TAFA2: variants seen among roughly 807,000 people sequenced by gnomAD.
TAFA2 encodes the protein chemokine-like protein TAFA-2.
TAFA2 carries 7 observed loss-of-function variants against 18.8 expected under a neutral mutation model. The observed-to-expected ratio is 0.37, with a 90% CI of 0.21 to 0.70. TAFA2 has a LOEUF of 0.70. Among genes scored for constraint, TAFA2 ranks in the 30% least tolerant of loss-of-function variants. TAFA2 has a pLI of 0.53. For synonymous variants in TAFA2, 60 were observed against 54.2 expected (o/e 1.11, Z -0.47); for missense variants, 122 against 158.1 (o/e 0.77, Z 1.23).
chr12:61,760,340 T>C (rs1329769935), intron 2 of TAFA2, among the ~76,000 whole-genome samples: 3 of 102,660 alleles, frequency 2.9e-5, no homozygotes, highest in South Asian at 6.8e-4. Flanking sequence ...TTTGAAGGCA[T>C]TGGCATTGGT....
At chr12:62,175,424 A>G (rs1250661584) in intron 1 of TAFA2, among the ~76,000 whole-genome samples, 1 of 152,238 alleles carries the variant, frequency 6.6e-6, no homozygotes, top group Non-Finnish European at 1.5e-5. Flanking sequence ...AGACTATAAA[A>G]AATGTAAATA....
intron 2 of TAFA2, among the ~76,000 whole-genome samples, chr12:61,757,113 G>T (rs1869309592): frequency 6.6e-6 from 1 of 152,078 alleles, no homozygotes; most frequent in Admixed American, 6.6e-5. Flanking sequence ...TTTTACTCAT[G>T]CTGCTCTTTA....
chr12:61,814,983 C>G (rs796994961), intron 2 of TAFA2, among the ~76,000 whole-genome samples: 2 of 151,662 alleles, frequency 1.3e-5, no homozygotes, highest in South Asian at 4.1e-4. Context: ...TTTTGAATCT[C>G]TGACCTTCAG....
chr12:62,110,835 T>G (rs1211989740), intron 1 of TAFA2, among the ~76,000 whole-genome samples: 2 of 152,102 alleles, frequency 1.3e-5, no homozygotes, highest in Non-Finnish European at 2.9e-5. Flanking sequence ...TCAGCAGTGA[T>G]ATCCCCTTTA....
rs567668400 is a variant in TAFA2 at position 61,826,816 on chromosome 12, T to C, written c.106+40504A>G. 4.6e-5 allele frequency among the ~76,000 whole-genome samples: 7 copies of C among 152,130 alleles called. No individual in the cohort carries two copies. In the South Asian group the frequency reaches 6.2e-4, roughly 13 times the overall value. On this transcript the variant is annotated intron_variant, in intron 2 of 4. Coordinates refer to ENST00000416284, the MANE Select transcript of TAFA2 (RefSeq NM_178539.5). ...TAGAGCTACTATTAACATTTTGTAC[T>C]TTTTTCTTGGGTTTTATGATATATA...
intron 1 of TAFA2, among the ~76,000 whole-genome samples, chr12:62,123,361 A>T (rs889762805): frequency 1.3e-5 from 2 of 152,080 alleles, no homozygotes; most frequent in African/African-American, 4.8e-5. Context: ...GTGCACACAC[A>T]ATGTGTGGGC....
At chr12:62,037,624 A>G (rs765151890) in intron 1 of TAFA2, among the ~76,000 whole-genome samples, 1 of 152,208 alleles carries the variant, frequency 6.6e-6, no homozygotes, top group Non-Finnish European at 1.5e-5. Context: ...TATGGAATAA[A>G]ACTCATCGGA....
chr12:61,770,093 A>C (rs1256157574), intron 2 of TAFA2, among the ~76,000 whole-genome samples: 1 of 152,146 alleles, frequency 6.6e-6, no homozygotes, highest in Non-Finnish European at 1.5e-5. Context: ...GAAATGCAAA[A>C]TACACTGGAA....
intron 1 of TAFA2, among the ~76,000 whole-genome samples, chr12:62,115,306 C>G (rs1869916746): frequency 6.6e-6 from 1 of 152,112 alleles, no homozygotes; most frequent in Non-Finnish European, 1.5e-5. Context: ...CAGATCAACT[C>G]CATGCTGCAG....
At chr12:62,247,933 T>C (rs2062894748) in intron 1 of TAFA2, among the ~76,000 whole-genome samples, 1 of 152,234 alleles carries the variant, frequency 6.6e-6, no homozygotes, top group African/African-American at 2.4e-5. Flanking sequence ...TTTGAGTTTT[T>C]GAGTTTTTGT....
At chr12:61,761,822 C>T (rs1869560640) in intron 2 of TAFA2, among the ~76,000 whole-genome samples, 1 of 151,970 alleles carries the variant, frequency 6.6e-6, no homozygotes, top group South Asian at 2.1e-4. Flanking sequence ...ATCTGTGTCC[C>T]CACTCAAATC....
At chr12:61,759,997 T>A (rs1869458903) in intron 2 of TAFA2, among the ~76,000 whole-genome samples, 1 of 150,168 alleles carries the variant, frequency 6.7e-6, no homozygotes, top group East Asian at 2.0e-4. Context: ...TGATGCTAGA[T>A]GTTAGGAGAT....
intron 1 of TAFA2, among the ~76,000 whole-genome samples, chr12:62,243,096 T>C (rs2062870293): frequency 6.6e-6 from 1 of 152,216 alleles, no homozygotes; most frequent in African/African-American, 2.4e-5. Flanking sequence ...TTTTTAAATA[T>C]TAAGCTGTTT....
At chr12:61,743,819 G>T (rs1262281968) in intron 4 of TAFA2, among the ~76,000 whole-genome samples, 3 of 152,092 alleles carry the variant, frequency 2.0e-5, no homozygotes. Context: ...CATAAAACGT[G>T]TGATGGACAC....
chr12:62,232,562 G>A (rs1455641304), intron 1 of TAFA2, among the ~76,000 whole-genome samples: 1 of 152,106 alleles, frequency 6.6e-6, no homozygotes, highest in Non-Finnish European at 1.5e-5. Context: ...CACCCAGGCT[G>A]GAGTGCAATG....
At chr12:62,141,879 T>C (rs2062242103) in intron 1 of TAFA2, among the ~76,000 whole-genome samples, 1 of 152,214 alleles carries the variant, frequency 6.6e-6, no homozygotes, top group African/African-American at 2.4e-5. Flanking sequence ...CACTCATCAC[T>C]GATCTTGATC....
At chr12:62,081,958 C>G (rs1479170645) in intron 1 of TAFA2, among the ~76,000 whole-genome samples, 2 of 151,904 alleles carry the variant, frequency 1.3e-5, no homozygotes, top group African/African-American at 4.8e-5. Context: ...TCCCCACCCC[C>G]GACAGGCCCC....
chr12:62,193,117 G>A (rs983223319), upstream of TAFA2, among the ~76,000 whole-genome samples: 15 of 152,254 alleles, frequency 9.9e-5, no homozygotes, highest in Non-Finnish European at 1.6e-4. Context: ...TAAGCGCTGT[G>A]CATATGAGCT....
intron 2 of TAFA2, among the ~76,000 whole-genome samples, chr12:61,825,804 T>C (rs1317989373): frequency 6.6e-6 from 1 of 152,112 alleles, no homozygotes; most frequent in African/African-American, 2.4e-5. Context: ...ATTTTAAATA[T>C]AATTTCATTA....
Sources: allele counts gnomAD v4.1 joint callset (sites outside exome capture counted in the v4.1 genomes callset), GRCh38; gene constraint gnomAD v4.1.1; transcripts MANE v1.5; gene names NCBI Gene and HGNC (gene_info 2026-07-23, HGNC 2026-07-21).